Variants in UXS1 observed in about 807,000 individuals in gnomAD.
UXS1 encodes the protein UDP-glucuronate decarboxylase 1.
Under a neutral mutation model 62.6 loss-of-function variants are expected in UXS1, and 33 were observed. That is an observed-to-expected ratio of 0.53 (90% CI 0.40 to 0.70). The LOEUF (loss-of-function observed/expected upper bound fraction) is 0.70. UXS1 is among the 30% of genes least tolerant of loss of function. The probability of loss-of-function intolerance (pLI) is 0.00; values close to 1 mark genes in which losing one functional copy is unlikely to be tolerated. For synonymous variants in UXS1, 213 were observed against 206.8 expected (o/e 1.03, Z -0.26); for missense variants, 434 against 556.3 (o/e 0.78, Z 2.21).
chr2:106,178,954 G>A (rs12470598), intron 1 of UXS1, among the ~76,000 whole-genome samples: 2 of 152,206 alleles, frequency 1.3e-5, no homozygotes, highest in African/African-American at 4.8e-5. Flanking sequence ...GGACAGCAGG[G>A]CGGTGTTGAT....
At chr2:106,138,390 T>C (rs3795910) in intron 6 of UXS1, 76,216 of 985,430 alleles carry the variant, frequency 0.077, 3,793 homozygotes, top group East Asian at 0.35. Flanking sequence ...GATGCAGGCC[T>C]TTCCCTTCCT....
At chr2:106,173,657 G>GGA (rs1444771891) in intron 1 of UXS1, among the ~76,000 whole-genome samples, 1 of 152,344 alleles carries the variant, frequency 6.6e-6, no homozygotes, top group African/African-American at 2.4e-5. Context: ...CTCTACCACT[G>GGA]GAGAGTGAAC....
rs183533190 is a variant in UXS1, at chr2:106,114,136, G to A, written c.760-1371C>T. ...GCTGGAGTGACACGGCCGCCACCTC[G>A]GCCCACAGCAGGCTTGTCAATTTCC... On this transcript the variant is annotated intron_variant, in intron 9 of 14. Coordinates refer to ENST00000283148, the MANE Select transcript of UXS1 (RefSeq NM_001253875.2). Among the ~76,000 whole-genome samples the A allele has an allele frequency of 4.5e-3, 678 of 152,254 alleles. 3 individuals carry two copies. The highest frequency in any genetic ancestry group is 6.0e-3 in the South Asian group (29 of 4,822).
At chr2:106,177,794 A>C (rs924469023) in intron 1 of UXS1, among the ~76,000 whole-genome samples, 1 of 152,114 alleles carries the variant, frequency 6.6e-6, no homozygotes, top group African/African-American at 2.4e-5. Context: ...CTCATAAGCC[A>C]CCCTGTCTGT....
intron 1 of UXS1, among the ~76,000 whole-genome samples, chr2:106,187,912 T>C (rs1194372655): frequency 2.0e-5 from 3 of 152,082 alleles, no homozygotes; most frequent in Non-Finnish European, 2.9e-5. Flanking sequence ...AGCTAATTTT[T>C]TGTATTTTTA....
In UXS1 at chr2:106,093,798, C is replaced by G; in HGVS notation, c.*228G>C. The G allele has an allele frequency of 2.0e-6, 1 of 496,702 alleles. No homozygotes were observed. The highest frequency in any genetic ancestry group is 4.2e-5 in the Admixed American group (1 of 23,978). The allele number at this position is 496,702 out of a possible 1,614,324, so 30.8% of individuals were successfully genotyped here. On this transcript the variant is annotated 3_prime_UTR_variant, in exon 15 of 15. Coordinates refer to ENST00000283148, the MANE Select transcript of UXS1 (RefSeq NM_001253875.2). ...TTGAAAATACGCAGAGATGCATCTA[C>G]GCTATTTTACATAAAAAGAGAGATT... is the stretch of plus-strand genomic sequence containing the variant.
chr2:106,108,043 G>A (rs1263757332), intron 10 of UXS1, among the ~76,000 whole-genome samples: 1 of 152,234 alleles, frequency 6.6e-6, no homozygotes, highest in Non-Finnish European at 1.5e-5. Context: ...AGTCCTGAAA[G>A]TTTGTATGCT....
chr2:106,113,015 T>C (rs376870884), intron 9 of UXS1, among the ~76,000 whole-genome samples: 6 of 152,350 alleles, frequency 3.9e-5, no homozygotes, highest in East Asian at 3.9e-4. Flanking sequence ...AGCATTAATA[T>C]TTTGGTAGAA....
At chr2:106,162,778 A>G (rs1682977892) in intron 4 of UXS1, among the ~76,000 whole-genome samples, 1 of 152,234 alleles carries the variant, frequency 6.6e-6, no homozygotes, top group Non-Finnish European at 1.5e-5. Flanking sequence ...TCAGTTGAGG[A>G]TAAGAATCAA....
intron 4 of UXS1, among the ~76,000 whole-genome samples, chr2:106,161,940 C>T (rs1015128725): frequency 2.6e-5 from 4 of 152,148 alleles, no homozygotes; most frequent in African/African-American, 9.7e-5. Flanking sequence ...AAGTGACAAG[C>T]ACGTCAAGTA....
Position 106,194,290 on chromosome 2 carries a change from G to A in UXS1, c.-49C>T, listed in dbSNP as rs1360939803. 20 of 1,094,272 alleles carry A rather than the reference G, an allele frequency of 1.8e-5. No individual in the cohort carries two copies. The highest frequency in any genetic ancestry group is 8.4e-5 in the African/African-American group (5 of 59,602). The allele number at this position is 1,094,272 out of a possible 1,614,324, so 67.8% of individuals were successfully genotyped here. ...GGCCCTACCGCGCGGGGGCCCGCCT[G>A]CTGCACAATGCGCGGCGGCGGCGGC... On this transcript the variant is annotated 5_prime_UTR_variant, in exon 1 of 15. Coordinates refer to ENST00000283148, the MANE Select transcript of UXS1 (RefSeq NM_001253875.2).
intron 3 of UXS1, among the ~76,000 whole-genome samples, chr2:106,163,940 T>C (rs1192672354): frequency 3.3e-5 from 5 of 152,240 alleles, no homozygotes; most frequent in African/African-American, 1.2e-4. Context: ...AGACAATTAA[T>C]GTTTTTGCTC....
intron 5 of UXS1, among the ~76,000 whole-genome samples, chr2:106,155,638 G>A (rs181296767): frequency 7.6e-4 from 115 of 152,304 alleles, no homozygotes; most frequent in African/African-American, 2.5e-3. Context: ...GCCTAAGTGT[G>A]TAGCAGGCTG....
intron 10 of UXS1, among the ~76,000 whole-genome samples, chr2:106,111,795 C>T (rs1306927316): frequency 1.3e-5 from 2 of 152,162 alleles, no homozygotes; most frequent in African/African-American, 2.4e-5. Flanking sequence ...GATAACAAAC[C>T]ATGCCACAGG....
intron 5 of UXS1, among the ~76,000 whole-genome samples, chr2:106,156,063 C>T (rs1682397168): frequency 6.6e-6 from 1 of 152,038 alleles, no homozygotes; most frequent in Non-Finnish European, 1.5e-5. Context: ...ATATTTAAAG[C>T]ATTTGTGCTT....
intron 5 of UXS1, among the ~76,000 whole-genome samples, chr2:106,157,516 A>G (rs934304221): frequency 5.3e-5 from 8 of 152,208 alleles, no homozygotes; most frequent in Admixed American, 5.2e-4. Context: ...ATTCCACTCC[A>G]AAGTATACCT....
chr2:106,179,216 C>T (rs1684090760), intron 1 of UXS1, among the ~76,000 whole-genome samples: 1 of 152,156 alleles, frequency 6.6e-6, no homozygotes, highest in Non-Finnish European at 1.5e-5. Context: ...CCAAAGGATC[C>T]TTTGTGATGA....
chr2:106,097,822 G>A (rs1186641033), intron 13 of UXS1: 1 of 156,730 alleles, frequency 6.4e-6, no homozygotes, highest in African/African-American at 2.4e-5. Flanking sequence ...GATTCAGGAT[G>A]GAAAAGCTGG....
At chr2:106,097,666 G>C (rs527626922) in intron 13 of UXS1, 98 of 202,916 alleles carry the variant, frequency 4.8e-4, no homozygotes, top group South Asian at 7.0e-4. Flanking sequence ...GCTAGGGCAT[G>C]AGAGTCTGAA....
Sources: allele counts gnomAD v4.1 joint callset (sites outside exome capture counted in the v4.1 genomes callset), GRCh38; gene constraint gnomAD v4.1.1; transcripts MANE v1.5; gene names NCBI Gene and HGNC (gene_info 2026-07-23, HGNC 2026-07-21).